ILDR1: variants seen among roughly 807,000 people sequenced by gnomAD.
ILDR1 encodes immunoglobulin-like domain-containing receptor 1.
In ILDR1, 56 loss-of-function variants were observed where a neutral mutation model predicts 62.4. That is an observed-to-expected ratio of 0.90 (90% CI 0.72 to 1.12). The LOEUF (loss-of-function observed/expected upper bound fraction) is 1.12, where lower values mean the gene tolerates loss of function less well. ILDR1 is among the 50% of genes most tolerant of loss of function. The pLI is 0.00. For synonymous variants in ILDR1, 284 were observed against 277.8 expected (o/e 1.02, Z -0.22); for missense variants, 736 against 710.6 (o/e 1.04, Z -0.41).
At chr3:122,010,486 A>G (rs924937134) in intron 1 of ILDR1, among the ~76,000 whole-genome samples, 2 of 152,256 alleles carry the variant, frequency 1.3e-5, no homozygotes, top group African/African-American at 2.4e-5. Context: ...TAAGCTGTAG[A>G]GTCCCAGAAA....
At chr3:121,995,082 G>A (rs1431430342) in intron 5 of ILDR1, among the ~76,000 whole-genome samples, 1 of 152,192 alleles carries the variant, frequency 6.6e-6, no homozygotes, top group Non-Finnish European at 1.5e-5. Context: ...CCATAAAAAT[G>A]TCACTCCAGC....
At chr3:121,988,671 C>G (rs2071290413) in intron 7 of ILDR1, among the ~76,000 whole-genome samples, 1 of 152,232 alleles carries the variant, frequency 6.6e-6, no homozygotes. Flanking sequence ...ATTCACTCTG[C>G]CTCTTGCTCT....
intron 1 of ILDR1, among the ~76,000 whole-genome samples, chr3:122,014,320 C>T (rs948077382): frequency 6.6e-6 from 1 of 152,148 alleles, no homozygotes; most frequent in Non-Finnish European, 1.5e-5. Flanking sequence ...TGGTCTACAT[C>T]CCTTCACATC....
At chr3:122,018,512 G>A (rs1324432907) in intron 1 of ILDR1, among the ~76,000 whole-genome samples, 1 of 152,058 alleles carries the variant, frequency 6.6e-6, no homozygotes, top group East Asian at 1.9e-4. Context: ...TGCACGTTCT[G>A]CACATGTAAC....
Position 122,005,271 on chromosome 3 carries a change from G to C in ILDR1, c.352C>G (p.Arg118Gly). Residue 118 changes from arginine to glycine, a missense_variant, in exon 3 of 8, where the codon CGG becomes GGG. By Grantham distance (125) the Arg-to-Gly change is moderately radical. Transcript: ENST00000344209. ...QNEPVLGVDYRQRKITIQNRA... is the reference protein window; with the variant it reads ...QNEPVLGVDYGQRKITIQNRA... ...TTCTGGATGGTGATCTTGCGCTGCC[G>C]GTAATCTACCCCCAGCACGGGCTCA... 1.3e-6 allele frequency: 2 copies of C among 1,562,478 alleles called. No individual in the cohort carries two copies. The highest frequency in any genetic ancestry group is 8.7e-7 in the Non-Finnish European group (1 of 1,149,426).
chr3:122,024,070 C>G (rs2107685071), upstream of ILDR1, among the ~76,000 whole-genome samples: 1 of 151,978 alleles, frequency 6.6e-6, no homozygotes, highest in African/African-American at 2.4e-5. Context: ...TAATATTCAT[C>G]TAAGCCAGCA....
At chr3:121,998,221 A>G (rs1247142069) in intron 5 of ILDR1, among the ~76,000 whole-genome samples, 2 of 152,126 alleles carry the variant, frequency 1.3e-5, no homozygotes, top group Non-Finnish European at 2.9e-5. Flanking sequence ...GGCCACTCCT[A>G]CCAGCTTCAT....
chr3:122,011,177 G>A (rs758249368), intron 1 of ILDR1, among the ~76,000 whole-genome samples: 4 of 152,144 alleles, frequency 2.6e-5, no homozygotes, highest in Non-Finnish European at 5.9e-5. Context: ...TTGGCTGAAT[G>A]TAATTTGATA....
intron 1 of ILDR1, among the ~76,000 whole-genome samples, chr3:122,014,191 T>G (rs976455848): frequency 1.7e-4 from 26 of 152,216 alleles, no homozygotes; most frequent in African/African-American, 6.3e-4. Context: ...TCTTCCTTTT[T>G]GTTTGTTAAT....
At chr3:122,023,040 TAA>T (rs1289532794), upstream of ILDR1, among the ~76,000 whole-genome samples, 3 of 150,532 alleles carry the variant, frequency 2.0e-5, no homozygotes, top group East Asian at 5.8e-4. Flanking sequence ...TATAGAAAAA[TAA>T]AAAGTTATGG....
chr3:122,021,577 G>A (rs550324281), intron 1 of ILDR1, among the ~76,000 whole-genome samples: 10 of 152,270 alleles, frequency 6.6e-5, no homozygotes, highest in Admixed American at 5.9e-4. Context: ...TCAGATTCTG[G>A]CCAAACATTG....
chr3:122,045,889 C>G, the ILDR1 span, among the ~76,000 whole-genome samples: 3 of 151,360 alleles, frequency 2.0e-5, no homozygotes, highest in Non-Finnish European at 4.4e-5. Flanking sequence ...CAGTCTGTGT[C>G]TTTTAATTGG....
At chr3:122,032,041 T>C in the ILDR1 span, among the ~76,000 whole-genome samples, 1 of 152,206 alleles carries the variant, frequency 6.6e-6, no homozygotes, top group Admixed American at 6.5e-5. Context: ...GCCATCACAA[T>C]GTAAATATAC....
rs747644884 is a variant in ILDR1, at chr3:122,001,474, C to A, written c.500-20G>T. The A allele has an allele frequency of 6.2e-7, 1 of 1,613,800 alleles. No homozygotes were observed. The highest frequency in any genetic ancestry group is 2.2e-5 in the East Asian group (1 of 44,880). On this transcript the variant is annotated intron_variant, in intron 4 of 7. Transcript: ENST00000344209. ...GCCAGTCTGCAGGGGAGAAGCCAAG[C>A]AGGGGTTGAACTAAATATTCAGGGG...
the ILDR1 span, among the ~76,000 whole-genome samples, chr3:122,052,891 A>G: frequency 5.9e-5 from 9 of 152,182 alleles, no homozygotes; most frequent in Admixed American, 5.9e-4. Flanking sequence ...CTTTGGATAT[A>G]TGGTCTAGTC....
upstream of ILDR1, among the ~76,000 whole-genome samples, chr3:122,023,788 ACAG>A (rs150002932): frequency 0.033 from 5,001 of 151,112 alleles, 249 homozygotes; most frequent in African/African-American, 0.11. Context: ...GGATCCTAGC[ACAG>A]CAGCAGCAGC....
At chr3:122,004,583 C>G (rs570975317) in intron 3 of ILDR1, among the ~76,000 whole-genome samples, 32 of 152,310 alleles carry the variant, frequency 2.1e-4, no homozygotes, top group South Asian at 1.0e-3. Flanking sequence ...GCACTGGGCA[C>G]AGAGAATAGA....
chr3:122,048,297 G>A, the ILDR1 span, among the ~76,000 whole-genome samples: 1 of 152,320 alleles, frequency 6.6e-6, no homozygotes, highest in African/African-American at 2.4e-5. Flanking sequence ...CTTGGTCATA[G>A]AGTATAATCC....
chr3:122,008,593 CTT>C (rs10546593), intron 1 of ILDR1, among the ~76,000 whole-genome samples: 3,115 of 79,828 alleles, frequency 0.039, 84 homozygotes, highest in African/African-American at 0.1. Flanking sequence ...CTTTTCTTTT[CTT>C]TTTTTTTTTT....
Sources: allele counts gnomAD v4.1 joint callset (sites outside exome capture counted in the v4.1 genomes callset), GRCh38; gene constraint gnomAD v4.1.1; transcripts MANE v1.5; gene names NCBI Gene and HGNC (gene_info 2026-07-23, HGNC 2026-07-21).